Variants in ZGRF1 observed in about 807,000 individuals in gnomAD.
ZGRF1 encodes 5'-3' DNA helicase ZGRF1.
ZGRF1 carries 196 observed loss-of-function variants against 203.5 expected under a neutral mutation model. The ratio of observed to expected loss-of-function variants is 0.96; its 90% CI spans 0.86 to 1.08. The LOEUF is 1.08. Ranked by LOEUF, ZGRF1 falls within the 50% of genes least tolerant of loss-of-function variation. The pLI is 0.00. For synonymous variants in ZGRF1, 809 were observed against 841.3 expected, an observed-to-expected ratio of 0.96 and a Z score of 0.66; for missense variants, 2,326 against 2,416.3, an observed-to-expected ratio of 0.96 and a Z score of 0.78.
chr4:112,607,376 C>A (rs13353663), intron 8 of ZGRF1, among the ~76,000 whole-genome samples: 6,575 of 152,256 alleles, frequency 0.043, 254 homozygotes, highest in East Asian at 0.19. Flanking sequence ...TCAAATGATA[C>A]CCCTGTCTTG....
intron 16 of ZGRF1, among the ~76,000 whole-genome samples, chr4:112,571,136 A>C (rs978237171): frequency 2.0e-5 from 3 of 152,124 alleles, no homozygotes; most frequent in Non-Finnish European, 2.9e-5. Flanking sequence ...CTTTAAGGAA[A>C]ACTTACAGCC....
At chr4:112,556,124 T>C (rs1560752508) in intron 20 of ZGRF1, among the ~76,000 whole-genome samples, 1 of 151,740 alleles carries the variant, frequency 6.6e-6, no homozygotes, top group Non-Finnish European at 1.5e-5. Context: ...TTAAATTGCT[T>C]ATAAGAGTGT....
At chr4:112,544,668 A>G (rs1738396935) in intron 24 of ZGRF1, among the ~76,000 whole-genome samples, 1 of 152,000 alleles carries the variant, frequency 6.6e-6, no homozygotes, top group Non-Finnish European at 1.5e-5. Context: ...TGAACACCAG[A>G]AAATGAAACA....
intron 20 of ZGRF1, 121 bp from the exon 21 acceptor site, chr4:112,554,903 G>T (rs1405844522): frequency 4.0e-6 from 2 of 502,014 alleles, no homozygotes; most frequent in Admixed American, 3.8e-5. Flanking sequence ...AAAATTTAAT[G>T]TGAAATACCT....
In ZGRF1 at chr4:112,606,065, CTCT is replaced by C. The variant is rs1408428011; in HGVS notation, c.2742_2744del (p.Glu915del). The C allele has an allele frequency of 3.1e-6, 5 of 1,601,680 alleles. No homozygotes were observed. Among genetic ancestry groups the C allele is most frequent in the Non-Finnish European group, 4.3e-6 (5 of 1,173,446 alleles). On this transcript the variant is annotated inframe_deletion, in exon 9 of 28. Transcript: ENST00000505019. ...TAGGAATAACAGCTTGAAAAGCAGT[CTCT>C]TCTTTACTTCCCGAGGAAGAGAACT... is the stretch of plus-strand genomic sequence containing the variant.
intron 4 of ZGRF1, among the ~76,000 whole-genome samples, chr4:112,621,829 C>T (rs995616018): frequency 2.0e-5 from 3 of 151,326 alleles, no homozygotes; most frequent in Admixed American, 1.3e-4. Flanking sequence ...CAGGTTCAAG[C>T]GATTCTCCTA....
chr4:112,573,665 G>A (rs900737075), intron 16 of ZGRF1, among the ~76,000 whole-genome samples: 1 of 151,956 alleles, frequency 6.6e-6, no homozygotes, highest in African/African-American at 2.4e-5. Flanking sequence ...AAGGTAAGAT[G>A]CAAAAAGCAC....
rs201097479 is a variant in ZGRF1 at position 112,587,728 on chromosome 4, G to A, written c.3329C>T (p.Ser1110Leu). The A allele has an allele frequency of 3.7e-4, 581 of 1,575,016 alleles. No homozygotes were observed. Among genetic ancestry groups the A allele is most frequent in the South Asian group, 7.2e-4 (63 of 87,430 alleles). The change falls in exon 12 of 28, where the codon TCG (serine) becomes TTG (leucine). Residue 1110 changes from serine to leucine, a missense_variant. Physicochemically the swap from Ser to Leu is moderately radical, Grantham distance 145. Coordinates refer to ENST00000505019, the MANE Select transcript of ZGRF1 (RefSeq NM_018392.5). Reference protein sequence around the residue: ...LNLCEKSAVLSFSIEPEDQNE... With the variant: ...LNLCEKSAVLLFSIEPEDQNE... ...TTGGTCCTCAGGCTCAATGCTAAAC[G>A]AAAGAACTGCTGACTTTTCACACAA...
intron 22 of ZGRF1, among the ~76,000 whole-genome samples, chr4:112,553,409 A>G (rs1015048862): frequency 6.6e-6 from 1 of 152,210 alleles, no homozygotes; most frequent in Non-Finnish European, 1.5e-5. Flanking sequence ...AAACACTAAA[A>G]GTCTTGGCTT....
At position 112,539,493 on chromosome 4, in the gene ZGRF1, C is replaced by A. The variant is rs1737103963; in HGVS notation, c.*54G>T. ...AGTAATAAAAATATAAAAAATATATCATGTAAAATGAGTCTGAATTTACAT... is the reference window on the plus strand; with the variant it reads ...AGTAATAAAAATATAAAAAATATATAATGTAAAATGAGTCTGAATTTACAT... On this transcript the variant is annotated 3_prime_UTR_variant, in exon 28 of 28. Coordinates refer to ENST00000505019, the MANE Select transcript of ZGRF1 (RefSeq NM_018392.5). 1 of 860,016 alleles carries A rather than the reference C, an allele frequency of 1.2e-6. No individual in the cohort carries two copies. The allele number at this position is 860,016 out of a possible 1,614,324, so 53.3% of individuals were successfully genotyped here. A position where few individuals can be genotyped will look rare whatever the true frequency, so the allele number is the denominator to read the frequency against.
intron 22 of ZGRF1, among the ~76,000 whole-genome samples, chr4:112,551,346 T>C (rs1037376624): frequency 7.9e-5 from 12 of 152,348 alleles, no homozygotes; most frequent in South Asian, 2.1e-4. Flanking sequence ...CAGAATGATA[T>C]ATGACTGTAC....
chr4:112,621,655 A>C (rs1056955945), intron 4 of ZGRF1, among the ~76,000 whole-genome samples: 3 of 147,912 alleles, frequency 2.0e-5, no homozygotes, highest in African/African-American at 7.4e-5. Flanking sequence ...CTCCATCTCA[A>C]AAAAAAAAAA....
chr4:112,622,330 C>T (rs2047086876), intron 4 of ZGRF1, among the ~76,000 whole-genome samples: 1 of 151,500 alleles, frequency 6.6e-6, no homozygotes, highest in Non-Finnish European at 1.5e-5. Flanking sequence ...ACCAGCCTGG[C>T]CAACATGGTG....
intron 24 of ZGRF1, among the ~76,000 whole-genome samples, 178 bp downstream of exon 24, chr4:112,547,107 A>G (rs1416358154): frequency 6.6e-6 from 1 of 152,174 alleles, no homozygotes; most frequent in Non-Finnish European, 1.5e-5. Flanking sequence ...ATAAAAGGGC[A>G]CTTAAATTAT....
chr4:112,619,425 A>T lies in ZGRF1; in HGVS notation c.617T>A (p.Val206Glu). 6.2e-7 allele frequency: 1 copy of T among 1,613,092 alleles called. No individual in the cohort carries two copies. Among genetic ancestry groups the T allele is most frequent in the Non-Finnish European group, 8.5e-7 (1 of 1,179,430 alleles). The stretch of plus-strand genomic sequence containing the variant: ...GCAAAAATAATTTTCTTCACACAGC[A>T]CTTCTGGGTTAATCTGGAAGGATGG... ...FSPSFQINPE[V>E]LCEENYFCSP... The change falls in exon 6 of 28, where the codon GTG (valine) becomes GAG (glutamate). Residue 206 changes from valine (V) to glutamate (E), a missense_variant. By Grantham distance (121) the Val-to-Glu change is moderately radical. Coordinates refer to ENST00000505019, the MANE Select transcript of ZGRF1 (RefSeq NM_018392.5).
chr4:112,582,463 T>C (rs1408791907), intron 15 of ZGRF1, among the ~76,000 whole-genome samples: 2 of 152,108 alleles, frequency 1.3e-5, no homozygotes, highest in Admixed American at 6.6e-5. Context: ...CTTTTTCCTT[T>C]TTTTTTGAGA....
chr4:112,628,714 T>A, intron 3 of ZGRF1: 1 of 454,386 alleles, frequency 2.2e-6, no homozygotes, highest in South Asian at 1.6e-5. Context: ...TCAACAAATG[T>A]ATGCTATAGT....
intron 22 of ZGRF1, among the ~76,000 whole-genome samples, chr4:112,553,245 T>G (rs1287723054): frequency 6.6e-6 from 1 of 152,232 alleles, no homozygotes; most frequent in Non-Finnish European, 1.5e-5. Context: ...GATTGATTTT[T>G]TCTCTTCCAA....
Position 112,540,111 on chromosome 4 carries a change from A to G in ZGRF1, c.5924T>C (p.Leu1975Pro). 1.3e-6 allele frequency: 2 copies of G among 1,561,024 alleles called. No homozygotes were observed. The highest frequency in any genetic ancestry group is 8.7e-7 in the Non-Finnish European group (1 of 1,149,872). Residue 1975 changes from leucine to proline, a missense_variant, in exon 27 of 28, where the codon CTC becomes CCC. Leu to Pro is a moderately conservative substitution (Grantham distance 98). Transcript: ENST00000505019. Reference protein sequence around the residue: ...KSQMYKLCHLLSAVDFHHPDI... With the variant: ...KSQMYKLCHLPSAVDFHHPDI... Reference sequence around the variant, plus strand: ...AGGATGGTGAAAGTCCACAGCACTGAGTAAATGACAAAGCTGTGGAAGAAA... The same window carrying G: ...AGGATGGTGAAAGTCCACAGCACTGGGTAAATGACAAAGCTGTGGAAGAAA...
Sources: allele counts gnomAD v4.1 joint callset (sites outside exome capture counted in the v4.1 genomes callset), GRCh38; gene constraint gnomAD v4.1.1; transcripts MANE v1.5; gene names NCBI Gene and HGNC (gene_info 2026-07-23, HGNC 2026-07-21).